The following MDGA2 variants were observed in gnomAD, a reference collection of about 807,000 sequenced individuals.
The protein encoded by MDGA2 is MAM domain containing glycosylphosphatidylinositol anchor 2, also known as MAM domain-containing glycosylphosphatidylinositol anchor protein 2.
Under a neutral mutation model 117.8 loss-of-function variants are expected in MDGA2, and 40 were observed. The observed-to-expected ratio is 0.34, with a 90% CI of 0.26 to 0.44. The LOEUF (loss-of-function observed/expected upper bound fraction) is 0.44. Among genes scored for constraint, MDGA2 ranks in the 20% least tolerant of loss-of-function variants. The pLI is 1.00. For missense variants in MDGA2, 1,123 were observed against 1,250.6 expected (o/e 0.90, Z 1.54); for synonymous variants, 452 against 439.0 (o/e 1.03, Z -0.37).
At chr14:47,274,091 C>T (rs1441265335) in intron 2 of MDGA2, among the ~76,000 whole-genome samples, 1 of 152,050 alleles carries the variant, frequency 6.6e-6, no homozygotes, top group Non-Finnish European at 1.5e-5. Context: ...ATCCAACCTA[C>T]CCATTTAGAG....
At chr14:47,538,533 A>G (rs756101649) in intron 1 of MDGA2, among the ~76,000 whole-genome samples, 19 of 152,206 alleles carry the variant, frequency 1.2e-4, no homozygotes, top group Non-Finnish European at 1.8e-4. Flanking sequence ...CAAAGATAAC[A>G]ACACAACAAC....
intron 6 of MDGA2, among the ~76,000 whole-genome samples, chr14:47,082,375 C>G (rs755372010): frequency 2.0e-5 from 3 of 149,834 alleles, no homozygotes. Context: ...AGCTATTTTT[C>G]TTTCAAGTCA....
chr14:47,257,785 A>G (rs1461036731), intron 2 of MDGA2, among the ~76,000 whole-genome samples: 1 of 152,140 alleles, frequency 6.6e-6, no homozygotes, highest in Non-Finnish European at 1.5e-5. Context: ...AGAGAACCTG[A>G]AGACTTAGGT....
At chr14:47,639,500 C>T (rs1897383787) in intron 1 of MDGA2, among the ~76,000 whole-genome samples, 1 of 152,082 alleles carries the variant, frequency 6.6e-6, no homozygotes, top group Admixed American at 6.5e-5. Context: ...TACTCATGGG[C>T]TCCAGCATAC....
At chr14:47,370,146 C>G (rs1051817645) in intron 1 of MDGA2, among the ~76,000 whole-genome samples, 2 of 151,858 alleles carry the variant, frequency 1.3e-5, no homozygotes, top group African/African-American at 4.8e-5. Flanking sequence ...TTCAATAATG[C>G]ATTCAACAGT....
chr14:46,948,003 A>C (rs1885234503), intron 9 of MDGA2, among the ~76,000 whole-genome samples: 1 of 151,882 alleles, frequency 6.6e-6, no homozygotes, highest in African/African-American at 2.4e-5. Flanking sequence ...TTCCTCTATG[A>C]CATCTTTCAA....
intron 1 of MDGA2, among the ~76,000 whole-genome samples, chr14:47,317,536 C>T (rs1889844861): frequency 6.6e-6 from 1 of 151,778 alleles, no homozygotes; most frequent in Non-Finnish European, 1.5e-5. Flanking sequence ...GAAGAGTTTA[C>T]CTAAAGCTCT....
chr14:47,107,659 G>A lies in MDGA2; in HGVS notation c.926-10536C>T, dbSNP rs548353627. ...AACACACGTGCTCTCCCTGCCGATC[G>A]TGTCCGACTGATCTCTCAAACCCAA... On this transcript the variant is annotated intron_variant, in intron 5 of 16. Coordinates refer to ENST00000399232, the MANE Select transcript of MDGA2 (RefSeq NM_001113498.3). Among the ~76,000 whole-genome samples the A allele has an allele frequency of 2.7e-4, 41 of 151,124 alleles. No individual in the cohort carries two copies. In the East Asian group the frequency reaches 7.4e-3, roughly 27 times the overall value.
At chr14:47,088,257 T>C (rs1308512778) in intron 6 of MDGA2, among the ~76,000 whole-genome samples, 1 of 133,378 alleles carries the variant, frequency 7.5e-6, no homozygotes, top group Admixed American at 7.8e-5. Flanking sequence ...TTTTAAAAGA[T>C]AATAATGCAT....
intron 2 of MDGA2, among the ~76,000 whole-genome samples, chr14:47,271,802 T>G (rs963975704): frequency 2.0e-5 from 3 of 152,226 alleles, no homozygotes; most frequent in Non-Finnish European, 4.4e-5. Flanking sequence ...TATTCATTCC[T>G]TATTTTCTTC....
At chr14:47,622,217 A>G (rs1387347526) in intron 1 of MDGA2, among the ~76,000 whole-genome samples, 1 of 152,218 alleles carries the variant, frequency 6.6e-6, no homozygotes, top group East Asian at 1.9e-4. Flanking sequence ...AGAGAGCCAC[A>G]AAAGAGAGAA....
intron 1 of MDGA2, among the ~76,000 whole-genome samples, chr14:47,354,151 T>C (rs1382779108): frequency 6.6e-6 from 1 of 152,106 alleles, no homozygotes; most frequent in Admixed American, 6.5e-5. Flanking sequence ...GAAGGAAAAT[T>C]TCCTCACAGG....
intron 5 of MDGA2, among the ~76,000 whole-genome samples, chr14:47,120,320 G>T (rs1453893720): frequency 2.6e-5 from 4 of 152,094 alleles, no homozygotes; most frequent in African/African-American, 9.7e-5. Flanking sequence ...AAATTCCTGT[G>T]ACACAGGGTG....
At chr14:47,120,686 A>C (rs1034200410) in intron 5 of MDGA2, among the ~76,000 whole-genome samples, 22 of 152,200 alleles carry the variant, frequency 1.4e-4, no homozygotes, top group Non-Finnish European at 5.9e-5. Context: ...CAAAAAGTAC[A>C]TGCTGCATCC....
At chr14:47,339,414 A>G (rs1431252361) in intron 1 of MDGA2, among the ~76,000 whole-genome samples, 1 of 152,088 alleles carries the variant, frequency 6.6e-6, no homozygotes, top group Non-Finnish European at 1.5e-5. Context: ...CTCATGTAGG[A>G]ATTTAATCCC....
intron 1 of MDGA2, among the ~76,000 whole-genome samples, chr14:47,550,535 C>T (rs1047533486): frequency 2.6e-5 from 4 of 152,092 alleles, no homozygotes; most frequent in African/African-American, 9.7e-5. Context: ...GTCTACAGTA[C>T]TGTTGAACAA....
At chr14:47,434,947 C>T (rs1394980097) in intron 1 of MDGA2, among the ~76,000 whole-genome samples, 1 of 151,970 alleles carries the variant, frequency 6.6e-6, no homozygotes, top group Non-Finnish European at 1.5e-5. Context: ...ATCAGCCTGA[C>T]CAACATGGGG....
intron 1 of MDGA2, among the ~76,000 whole-genome samples, chr14:47,658,155 G>C (rs1057196959): frequency 6.7e-6 from 1 of 150,256 alleles, no homozygotes; most frequent in Non-Finnish European, 1.5e-5. Context: ...AAGACAAGCA[G>C]GCAAAGAACA....
chr14:46,916,818 A>G (rs1315895893), intron 10 of MDGA2, among the ~76,000 whole-genome samples: 1 of 152,128 alleles, frequency 6.6e-6, no homozygotes, highest in African/African-American at 2.4e-5. Flanking sequence ...ATTACCAATT[A>G]GAATACGGCA....
Sources: allele counts gnomAD v4.1 joint callset (sites outside exome capture counted in the v4.1 genomes callset), GRCh38; gene constraint gnomAD v4.1.1; transcripts MANE v1.5; gene names NCBI Gene and HGNC (gene_info 2026-07-23, HGNC 2026-07-21).